Variants in C1orf21 observed in about 807,000 individuals in gnomAD.
C1orf21 encodes the protein chromosome 1 open reading frame 21.
C1orf21 carries 3 observed loss-of-function variants against 18.7 expected under a neutral mutation model. The observed-to-expected ratio is 0.16, with a 90% CI of 0.07 to 0.42. The LOEUF (loss-of-function observed/expected upper bound fraction) is 0.42, where lower values mean the gene tolerates loss of function less well. Among genes scored for constraint, C1orf21 ranks in the 10% least tolerant of loss-of-function variants. The pLI is 0.99. For missense variants in C1orf21, 104 were observed against 143.6 expected (o/e 0.72, Z 1.41); for synonymous variants, 41 against 46.4 (o/e 0.88, Z 0.47).
At position 184,488,143 on chromosome 1, in the gene C1orf21, T is replaced by G. The variant is rs141606978; in HGVS notation, c.94+10540T>G. Among the ~76,000 whole-genome samples, 4 of 152,360 alleles carry G rather than the reference T, an allele frequency of 2.6e-5. No homozygotes were observed. In the East Asian group the frequency reaches 7.7e-4, roughly 29 times the overall value. On this transcript the variant is annotated intron_variant, in intron 2 of 5. Transcript: ENST00000235307. Reference sequence around the variant, plus strand: ...TCTCTTTTAGATTTTAAGATATGTGTGTTCCTATGGTTTGTTCTTTCTCTG... The same window carrying G: ...TCTCTTTTAGATTTTAAGATATGTGGGTTCCTATGGTTTGTTCTTTCTCTG...
intron 3 of C1orf21, among the ~76,000 whole-genome samples, chr1:184,558,068 T>C (rs763584247): frequency 6.6e-6 from 1 of 152,196 alleles, no homozygotes; most frequent in Non-Finnish European, 1.5e-5. Flanking sequence ...ACCGTTTTGG[T>C]TTTCAACATG....
chr1:184,545,883 C>T (rs1159528412), intron 3 of C1orf21: 1 of 152,188 alleles, frequency 6.6e-6, no homozygotes, highest in African/African-American at 2.4e-5. Context: ...ACCAGCCTGA[C>T]TCTGATTTCT....
chr1:184,455,382 A>G (rs1165572021), intron 1 of C1orf21, among the ~76,000 whole-genome samples: 1 of 152,192 alleles, frequency 6.6e-6, no homozygotes, highest in African/African-American at 2.4e-5. Context: ...AGAATTGCAG[A>G]TTCTGTGGTC....
At chr1:184,467,218 A>G (rs976008438) in intron 1 of C1orf21, among the ~76,000 whole-genome samples, 1 of 152,186 alleles carries the variant, frequency 6.6e-6, no homozygotes, top group Admixed American at 6.5e-5. Context: ...AAATTCATTC[A>G]TTCATTTATT....
chr1:184,576,121 C>T (rs1202983121), intron 3 of C1orf21, among the ~76,000 whole-genome samples: 1 of 149,010 alleles, frequency 6.7e-6, no homozygotes, highest in Non-Finnish European at 1.5e-5. Context: ...GTTTCTGTCA[C>T]TTTTTTTTTC....
intron 1 of C1orf21, among the ~76,000 whole-genome samples, chr1:184,389,407 A>G (rs997816518): frequency 3.3e-5 from 5 of 152,214 alleles, no homozygotes; most frequent in African/African-American, 1.2e-4. Context: ...GGTTGACTTA[A>G]TTTAACTCCG....
intron 4 of C1orf21, among the ~76,000 whole-genome samples, chr1:184,596,845 TGGGCGAAA>T (rs1232072212): frequency 1.4e-5 from 2 of 144,508 alleles, no homozygotes; most frequent in Non-Finnish European, 3.0e-5. Context: ...TACTCCAGCC[TGGGCGAAA>T]GTGCGAGACG....
At chr1:184,529,875 A>G (rs1418903028) in intron 3 of C1orf21, among the ~76,000 whole-genome samples, 2 of 152,198 alleles carry the variant, frequency 1.3e-5, no homozygotes. Flanking sequence ...CTTAGTAGAG[A>G]AGAAGCCTGG....
At chr1:184,439,027 G>A (rs745378273) in intron 1 of C1orf21, among the ~76,000 whole-genome samples, 5 of 152,002 alleles carry the variant, frequency 3.3e-5, no homozygotes, top group African/African-American at 4.8e-5. Context: ...CCTGGCCAAC[G>A]CGGTGAAAAC....
At chr1:184,473,029 C>T (rs927401899) in intron 1 of C1orf21, among the ~76,000 whole-genome samples, 1 of 152,158 alleles carries the variant, frequency 6.6e-6, no homozygotes, top group African/African-American at 2.4e-5. Context: ...CTCATGGTAT[C>T]GTGGATTGCA....
At chr1:184,411,030 T>C (rs538212069) in intron 1 of C1orf21, among the ~76,000 whole-genome samples, 2 of 152,122 alleles carry the variant, frequency 1.3e-5, no homozygotes, top group African/African-American at 4.8e-5. Flanking sequence ...CCTGCAGAGA[T>C]AATGTAAATG....
chr1:184,619,512 T>C lies in C1orf21; in HGVS notation c.328-6T>C. The stretch of plus-strand genomic sequence containing the variant: ...TCACATGCTCTTTTTTCTTTTTCCC[T>C]CCAAGGGTCGGGATTACTGTTCGGA... On this transcript the variant is annotated splice_polypyrimidine_tract_variant and splice_region_variant and intron_variant, in intron 5 of 5. Coordinates refer to ENST00000235307, the MANE Select transcript of C1orf21 (RefSeq NM_030806.4). 1.9e-6 allele frequency: 3 copies of C among 1,612,046 alleles called. No homozygotes were observed. Among genetic ancestry groups the C allele is most frequent in the Non-Finnish European group, 1.7e-6 (2 of 1,179,440 alleles).
At chr1:184,460,738 G>A (rs1657296321) in intron 1 of C1orf21, among the ~76,000 whole-genome samples, 1 of 129,872 alleles carries the variant, frequency 7.7e-6, no homozygotes, top group Non-Finnish European at 1.6e-5. Flanking sequence ...TAAGAAATGG[G>A]GTCTCATTAT....
At chr1:184,565,585 C>A (rs185588492) in intron 3 of C1orf21, among the ~76,000 whole-genome samples, 1 of 152,346 alleles carries the variant, frequency 6.6e-6, no homozygotes, top group African/African-American at 2.4e-5. Flanking sequence ...GACTTTATTA[C>A]CTTCAACTGG....
chr1:184,440,042 G>C (rs914205650), intron 1 of C1orf21, among the ~76,000 whole-genome samples: 45 of 152,088 alleles, frequency 3.0e-4, no homozygotes, highest in African/African-American at 1.0e-3. Flanking sequence ...TCTGATTGGG[G>C]TGTTGTCCTT....
At chr1:184,424,779 A>G (rs1345100791) in intron 1 of C1orf21, among the ~76,000 whole-genome samples, 1 of 152,204 alleles carries the variant, frequency 6.6e-6, no homozygotes, top group Non-Finnish European at 1.5e-5. Flanking sequence ...AGTACTGGAA[A>G]TCAAATGCAG....
chr1:184,512,327 T>C (rs1658162460), intron 3 of C1orf21, among the ~76,000 whole-genome samples: 1 of 152,194 alleles, frequency 6.6e-6, no homozygotes, highest in Non-Finnish European at 1.5e-5. Flanking sequence ...CTAAAAACTA[T>C]CTTTTTGGCC....
intron 5 of C1orf21, among the ~76,000 whole-genome samples, chr1:184,617,999 T>G (rs181411952): frequency 2.3e-4 from 33 of 143,114 alleles, no homozygotes; most frequent in Admixed American, 3.7e-4. Context: ...AATCTCTGCC[T>G]CCCAGGTTCA....
chr1:184,460,154 C>T (rs376577303), intron 1 of C1orf21, among the ~76,000 whole-genome samples: 124 of 152,232 alleles, frequency 8.1e-4, no homozygotes, highest in Non-Finnish European at 1.2e-3. Flanking sequence ...GACATTTAGC[C>T]GCAGATTTGA....
Sources: allele counts gnomAD v4.1 joint callset (sites outside exome capture counted in the v4.1 genomes callset), GRCh38; gene constraint gnomAD v4.1.1; transcripts MANE v1.5; gene names NCBI Gene and HGNC (gene_info 2026-07-23, HGNC 2026-07-21).